C10orf105: variants seen among roughly 807,000 people sequenced by gnomAD.
C10orf105 encodes chromosome 10 open reading frame 105, also known as uncharacterized protein C10orf105.
Under a neutral mutation model 0.6 loss-of-function variants are expected in C10orf105, and 2 were observed. That is an observed-to-expected ratio of 3.18 (90% CI 1.30 to 10.01). The LOEUF (loss-of-function observed/expected upper bound fraction) is 10.01. Among genes scored for constraint, C10orf105 ranks in the 30% most tolerant of loss-of-function variants. C10orf105 has a pLI of 0.04. For synonymous variants in C10orf105, 95 were observed against 82.4 expected (o/e 1.15, Z -0.83); for missense variants, 209 against 191.4 (o/e 1.09, Z -0.54).
intron 1 of C10orf105, chr10:71,730,532 C>T (rs758254641): frequency 1.9e-5 from 31 of 1,613,846 alleles, no homozygotes; most frequent in South Asian, 1.3e-4. Context: ...GCAGTACAGC[C>T]GTCTGGGGCT....
chr10:71,730,728 C>G, intron 1 of C10orf105: 1 of 1,386,638 alleles, frequency 7.2e-7, no homozygotes, highest in Non-Finnish European at 9.8e-7. Context: ...CATGTCTAGG[C>G]CAGGGAGGGG....
At chr10:71,722,892 G>C (rs116245248), upstream of C10orf105, among the ~76,000 whole-genome samples, 1 of 152,162 alleles carries the variant, frequency 6.6e-6, no homozygotes, top group African/African-American at 2.4e-5. Flanking sequence ...GTGGGGCCCA[G>C]GGATGTGCAA....
chr10:71,730,552 C>T lies in C10orf105; in HGVS notation c.-6+7176G>A, dbSNP rs777865713. ...ACAGCCGTCTGGGGCTTCGAGAGAC[C>T]GCAGGCATTGGAACGTCAGTCATCG... is the stretch of plus-strand genomic sequence containing the variant. On this transcript the variant is annotated intron_variant, in intron 1 of 1. Coordinates refer to the C10orf105 transcript ENST00000398786. 17 of 1,613,824 alleles carry T rather than the reference C, an allele frequency of 1.1e-5. No individual in the cohort carries two copies. Among genetic ancestry groups the T allele is most frequent in the East Asian group, 8.9e-5 (4 of 44,892 alleles).
chr10:71,720,420 A>AACACAC (rs57346519), upstream of C10orf105, among the ~76,000 whole-genome samples: 1,459 of 145,844 alleles, frequency 0.01, 13 homozygotes, highest in South Asian at 0.019. Flanking sequence ...CTCTTTCCAA[A>AACACAC]ACACACACAC....
At chr10:71,731,853 A>G (rs905159080) in intron 1 of C10orf105, 20 of 846,624 alleles carry the variant, frequency 2.4e-5, no homozygotes, top group African/African-American at 5.1e-5. Context: ...TCTGAGGATG[A>G]TCCTGCCGGC....
intron 1 of C10orf105, among the ~76,000 whole-genome samples, chr10:71,727,298 C>T (rs1386022710): frequency 1.3e-5 from 2 of 152,248 alleles, no homozygotes; most frequent in South Asian, 4.1e-4. Flanking sequence ...AACCACTACA[C>T]TCCACTGCCT....
chr10:71,726,631 T>C (rs1369833649), intron 1 of C10orf105, among the ~76,000 whole-genome samples: 1 of 152,246 alleles, frequency 6.6e-6, no homozygotes, highest in Non-Finnish European at 1.5e-5. Flanking sequence ...TCAGACACAG[T>C]AACCTGGACA....
Position 71,725,522 on chromosome 10 carries a change from T to C in C10orf105, c.-5-9180A>G, listed in dbSNP as rs1385831846. On this transcript the variant is annotated intron_variant, in intron 1 of 1. Transcript: ENST00000398786. Reference sequence around the variant, plus strand: ...GGCCCCATGCGGAGCTCCGTCAGGGTGAGGCTAGGGGCGGGCTGGGGTGCT... The same window carrying C: ...GGCCCCATGCGGAGCTCCGTCAGGGCGAGGCTAGGGGCGGGCTGGGGTGCT... The C allele has an allele frequency of 2.5e-6, 4 of 1,612,288 alleles. No individual in the cohort carries two copies. The highest frequency in any genetic ancestry group is 1.7e-6 in the Non-Finnish European group (2 of 1,179,208).
chr10:71,730,333 G>C, intron 1 of C10orf105: 1 of 1,103,010 alleles, frequency 9.1e-7, no homozygotes, highest in Non-Finnish European at 1.3e-6. Flanking sequence ...CCACCAGACA[G>C]GCCTGGGGTC....
chr10:71,717,463 A>T (rs547821482), intron 1 of C10orf105: 3 of 152,330 alleles, frequency 2.0e-5, no homozygotes, highest in Non-Finnish European at 4.4e-5. Flanking sequence ...GACATCATAC[A>T]CCTGACAGGG....
chr10:71,715,953 C>A lies in C10orf105; in HGVS notation c.385G>T (p.Glu129Ter), dbSNP rs1866200543. 1.4e-6 allele frequency: 2 copies of A among 1,474,018 alleles called. No homozygotes were observed. The highest frequency in any genetic ancestry group is 1.4e-5 in the African/African-American group (1 of 70,182). The allele number at this position is 1,474,018 out of a possible 1,614,324, so 91.3% of individuals were successfully genotyped here. ...EDNRSHCDYM[E>*]STKM is the part of the protein sequence containing the mutation. ...ACACCCCATTACATCTTGGTAGATT[C>A]CATGTAGTCACAGTGGCTGCGGTTG... Residue 129 changes from glutamate to a stop codon, truncating the protein, a stop_gained, in exon 2 of 2, where the codon GAA becomes TAA. Transcript: ENST00000441508. LOFTEE classifies it high-confidence loss of function.
Position 71,713,272 on chromosome 10 carries a change from A to G in C10orf105, c.*2664T>C, listed in dbSNP as rs774418744. ...GAAAGGGCTCCTTTGCCCAGGGAGCAGGCGCAACAGCTCCAAGGCTCAGAG... is the reference window on the plus strand; with the variant it reads ...GAAAGGGCTCCTTTGCCCAGGGAGCGGGCGCAACAGCTCCAAGGCTCAGAG... On this transcript the variant is annotated 3_prime_UTR_variant, in exon 2 of 2. Transcript: ENST00000441508. 1.3e-6 allele frequency: 1 copy of G among 779,484 alleles called. No individual in the cohort carries two copies. Among genetic ancestry groups the G allele is most frequent in the Non-Finnish European group, 2.4e-6 (1 of 417,898 alleles). The allele number at this position is 779,484 out of a possible 1,614,324, so 48.3% of individuals were successfully genotyped here. A position where few individuals can be genotyped will look rare whatever the true frequency, so the allele number is the denominator to read the frequency against.
chr10:71,722,384 G>A (rs1169119728), upstream of C10orf105, among the ~76,000 whole-genome samples: 1 of 152,254 alleles, frequency 6.6e-6, no homozygotes, highest in Non-Finnish European at 1.5e-5. Context: ...GCACAGATGG[G>A]CTCCTGGAAT....
In C10orf105 at chr10:71,716,286, C is replaced by A. The variant is rs371701194; in HGVS notation, c.52G>T (p.Ala18Ser). 5.7e-5 allele frequency: 87 copies of A among 1,525,744 alleles called. No homozygotes were observed. The African/African-American group carries it at 1.1e-3, about 20-fold the overall frequency. 94.5% of individuals were successfully genotyped at this position (1,525,744 alleles called of 1,614,324 possible). ...LASSPAISPLAFLSAPVTPGT... is the reference protein window; with the variant it reads ...LASSPAISPLSFLSAPVTPGT... Reference sequence around the variant, plus strand: ...GGAGTGACGGGAGCTGAGAGAAAGGCGAGGGGGCTGATGGCTGGGGAGCTG... The same window carrying A: ...GGAGTGACGGGAGCTGAGAGAAAGGAGAGGGGGCTGATGGCTGGGGAGCTG... The change falls in exon 2 of 2, where the codon GCC becomes TCC. Residue 18 changes from alanine (A) to serine (S), a missense_variant. By Grantham distance (99) the Ala-to-Ser change is moderately conservative. Transcript: ENST00000441508.
upstream of C10orf105, among the ~76,000 whole-genome samples, chr10:71,721,723 C>T (rs1247099724): frequency 6.6e-6 from 1 of 152,214 alleles, no homozygotes; most frequent in Non-Finnish European, 1.5e-5. Context: ...AGGCTCCTCG[C>T]TCTGCCTTCA....
At chr10:71,723,948 G>A (rs1314916646), upstream of C10orf105, 1 of 1,369,172 alleles carries the variant, frequency 7.3e-7, no homozygotes, top group African/African-American at 1.4e-5. Flanking sequence ...GGCAGGATGG[G>A]GTAGGATGCG....
At chr10:71,718,046 A>T (rs1745374451) in intron 1 of C10orf105, 1 of 152,254 alleles carries the variant, frequency 6.6e-6, no homozygotes, top group African/African-American at 2.4e-5. Context: ...GGGGTCTGAT[A>T]AAAAGTCATG....
intron 1 of C10orf105, among the ~76,000 whole-genome samples, chr10:71,718,074 G>A (rs547252506): frequency 2.0e-5 from 3 of 152,270 alleles, no homozygotes; most frequent in Non-Finnish European, 4.4e-5. Context: ...TTTAACCTTG[G>A]GGTCTTTCCT....
chr10:71,723,252 C>T (rs1866638227), upstream of C10orf105, among the ~76,000 whole-genome samples: 1 of 152,142 alleles, frequency 6.6e-6, no homozygotes, highest in African/African-American at 2.4e-5. Context: ...TTGTTCTCCA[C>T]TTGTTTTGGG....
Sources: allele counts gnomAD v4.1 joint callset (sites outside exome capture counted in the v4.1 genomes callset), GRCh38; gene constraint gnomAD v4.1.1; transcripts MANE v1.5; gene names NCBI Gene and HGNC (gene_info 2026-07-23, HGNC 2026-07-21).